The following MACROD2 variants were observed in gnomAD, a reference collection of about 807,000 sequenced individuals.
MACROD2 encodes mono-ADP ribosylhydrolase 2, also known as ADP-ribose glycohydrolase MACROD2.
In MACROD2, 36 loss-of-function variants were observed where a neutral mutation model predicts 70.4. The observed-to-expected ratio is 0.51, with a 90% CI of 0.39 to 0.68. MACROD2 has a LOEUF of 0.68. MACROD2 is among the 30% of genes least tolerant of loss of function. The pLI is 0.00. For synonymous variants in MACROD2, 172 were observed against 178.8 expected, an observed-to-expected ratio of 0.96 and a Z score of 0.30; for missense variants, 496 against 538.4, an observed-to-expected ratio of 0.92 and a Z score of 0.78.
chr20:14,490,546 A>G (rs1445627507), intron 3 of MACROD2, among the ~76,000 whole-genome samples: 5 of 152,146 alleles, frequency 3.3e-5, no homozygotes, highest in Admixed American at 3.3e-4. Flanking sequence ...TATTTCAGGG[A>G]AATGTGAAGT....
chr20:14,569,614 G>A (rs934323193), intron 4 of MACROD2, among the ~76,000 whole-genome samples: 4 of 151,682 alleles, frequency 2.6e-5, no homozygotes, highest in African/African-American at 9.7e-5. Context: ...GCTGAAATTA[G>A]GTGTGAGTGT....
intron 2 of MACROD2, among the ~76,000 whole-genome samples, chr20:14,061,768 C>T (rs1042239958): frequency 3.9e-5 from 6 of 152,218 alleles, no homozygotes; most frequent in African/African-American, 1.2e-4. Context: ...TGGAGAAGCT[C>T]GTGAAGACAC....
At chr20:14,501,463 C>T (rs566060989) in intron 4 of MACROD2, among the ~76,000 whole-genome samples, 16 of 151,270 alleles carry the variant, frequency 1.1e-4, no homozygotes, top group African/African-American at 1.9e-4. Context: ...TCCTACAATA[C>T]GTTTCTATTT....
chr20:16,038,123 G>A (rs1047737513), intron 15 of MACROD2, among the ~76,000 whole-genome samples: 1 of 150,654 alleles, frequency 6.6e-6, no homozygotes, highest in Non-Finnish European at 1.5e-5. Context: ...TTATCTATAA[G>A]TTTTATTGTT....
At chr20:15,543,752 C>T (rs1047220339) in intron 8 of MACROD2, among the ~76,000 whole-genome samples, 2 of 152,228 alleles carry the variant, frequency 1.3e-5, no homozygotes, top group South Asian at 2.1e-4. Flanking sequence ...GCTCTGCTAG[C>T]CTCAGCTGTG....
intron 5 of MACROD2, among the ~76,000 whole-genome samples, chr20:15,008,355 G>C (rs1445548800): frequency 2.6e-5 from 4 of 152,126 alleles, no homozygotes; most frequent in Non-Finnish European, 5.9e-5. Flanking sequence ...CTGAGCTACT[G>C]AAGGTTAGGA....
chr20:15,208,432 A>G (rs541713111), intron 5 of MACROD2, among the ~76,000 whole-genome samples: 4 of 152,308 alleles, frequency 2.6e-5, no homozygotes, highest in African/African-American at 7.2e-5. Context: ...TTGATTGCCT[A>G]TTCTAATTCA....
intron 3 of MACROD2, among the ~76,000 whole-genome samples, chr20:14,199,385 C>A (rs1312964745): frequency 6.6e-6 from 1 of 152,214 alleles, no homozygotes; most frequent in Non-Finnish European, 1.5e-5. Context: ...GGAAGAAAAT[C>A]TTTCAGATTA....
At chr20:15,460,649 C>A (rs2046795002) in intron 7 of MACROD2, among the ~76,000 whole-genome samples, 1 of 152,144 alleles carries the variant, frequency 6.6e-6, no homozygotes, top group South Asian at 2.1e-4. Flanking sequence ...CCCCTTATGC[C>A]TTTTCAGCCC....
At position 15,296,316 on chromosome 20, in the gene MACROD2, G is replaced by GA. The variant is rs542143309; in HGVS notation, c.540+66256dup. Among the ~76,000 whole-genome samples the GA allele has an allele frequency of 3.8e-3, 580 of 152,248 alleles. 2 individuals carry two copies. Among genetic ancestry groups the GA allele is most frequent in the African/African-American group, 0.013 (542 of 41,558 alleles). On this transcript the variant is annotated intron_variant, in intron 6 of 17. Transcript: ENST00000684519. ...GAAGAGAGGGGGATAGAAAGAGAGA[G>GA]ACAGAAAAAGAATCTATTTAAAATA...
At chr20:14,467,917 G>T (rs1383194930) in intron 3 of MACROD2, among the ~76,000 whole-genome samples, 1 of 152,084 alleles carries the variant, frequency 6.6e-6, no homozygotes. Flanking sequence ...TAGGTGTGTG[G>T]TTTTTAATGA....
intron 8 of MACROD2, among the ~76,000 whole-genome samples, chr20:15,711,098 C>T (rs2050619248): frequency 6.6e-6 from 1 of 152,016 alleles, no homozygotes; most frequent in African/African-American, 2.4e-5. Flanking sequence ...TCCGGTGTCC[C>T]CGTTTTGAAT....
chr20:14,863,048 T>G (rs1387052128), intron 5 of MACROD2, among the ~76,000 whole-genome samples: 1 of 152,018 alleles, frequency 6.6e-6, no homozygotes, highest in Admixed American at 6.6e-5. Context: ...TAAGGTATTA[T>G]TAGTATTCAC....
At chr20:15,673,364 A>G (rs1020469468) in intron 8 of MACROD2, among the ~76,000 whole-genome samples, 2 of 152,140 alleles carry the variant, frequency 1.3e-5, no homozygotes, top group Non-Finnish European at 2.9e-5. Flanking sequence ...TTTATTAGTT[A>G]CTCATCAGGG....
At chr20:14,476,709 C>T (rs1444181194) in intron 3 of MACROD2, among the ~76,000 whole-genome samples, 1 of 152,142 alleles carries the variant, frequency 6.6e-6, no homozygotes, top group Non-Finnish European at 1.5e-5. Flanking sequence ...CTGATTCTGC[C>T]ACTAACCTGG....
intron 5 of MACROD2, among the ~76,000 whole-genome samples, chr20:14,978,957 A>C: frequency 6.9e-6 from 1 of 143,952 alleles, no homozygotes. Context: ...AATCATATAT[A>C]TATATATTTA....
intron 9 of MACROD2, among the ~76,000 whole-genome samples, chr20:15,871,194 T>TA (rs1491354584): frequency 1.2e-4 from 15 of 128,512 alleles, no homozygotes; most frequent in East Asian, 4.6e-4. Context: ...AAAAAAAAAA[T>TA]TATAAAATTA....
chr20:14,100,605 T>G (rs981640780), intron 3 of MACROD2, among the ~76,000 whole-genome samples: 1 of 144,384 alleles, frequency 6.9e-6, no homozygotes, highest in Non-Finnish European at 1.5e-5. Flanking sequence ...ACTTTAAATA[T>G]TATATATAGT....
At chr20:14,685,465 G>T (rs1029459646) in intron 5 of MACROD2, among the ~76,000 whole-genome samples, 20 of 152,210 alleles carry the variant, frequency 1.3e-4, no homozygotes, top group Non-Finnish European at 2.1e-4. Flanking sequence ...AAAAGCCAAC[G>T]AAATCTGGTT....
Sources: allele counts gnomAD v4.1 joint callset (sites outside exome capture counted in the v4.1 genomes callset), GRCh38; gene constraint gnomAD v4.1.1; transcripts MANE v1.5; gene names NCBI Gene and HGNC (gene_info 2026-07-23, HGNC 2026-07-21).